Variants in GPM6A observed in about 807,000 individuals in gnomAD.
The protein encoded by GPM6A is glycoprotein M6A.
GPM6A carries 7 observed loss-of-function variants against 32.1 expected under a neutral mutation model. The ratio of observed to expected loss-of-function variants is 0.22; its 90% CI spans 0.12 to 0.41. GPM6A has a LOEUF of 0.41. Among genes scored for constraint, GPM6A ranks in the 10% least tolerant of loss-of-function variants. The pLI is 1.00. For missense variants in GPM6A, 235 were observed against 347.2 expected (o/e 0.68, Z 2.57); for synonymous variants, 130 against 123.4 (o/e 1.05, Z -0.35).
chr4:175,892,017 A>G (rs1737663794), intron 1 of GPM6A, among the ~76,000 whole-genome samples: 1 of 152,198 alleles, frequency 6.6e-6, no homozygotes, highest in Non-Finnish European at 1.5e-5. Flanking sequence ...GTGTGTTGAC[A>G]CAGACTCAAT....
chr4:175,747,967 G>T (rs1732174714), intron 1 of GPM6A, among the ~76,000 whole-genome samples: 1 of 152,026 alleles, frequency 6.6e-6, no homozygotes. Context: ...CAATATCTTT[G>T]CCAAGAATAG....
At chr4:175,767,804 G>A (rs1359574591) in intron 1 of GPM6A, among the ~76,000 whole-genome samples, 2 of 152,268 alleles carry the variant, frequency 1.3e-5, no homozygotes, top group African/African-American at 2.4e-5. Flanking sequence ...GTTATAATGC[G>A]GATGTTGAGT....
intron 1 of GPM6A, among the ~76,000 whole-genome samples, chr4:175,940,948 C>T (rs1739386402): frequency 6.6e-6 from 1 of 152,314 alleles, no homozygotes; most frequent in Non-Finnish European, 1.5e-5. Flanking sequence ...GTTAGAAATA[C>T]TGAAATAGGA....
rs149796948 is a variant in GPM6A at position 175,661,707 on chromosome 4, G to T, written c.388-9720C>A. 5.7e-3 allele frequency among the ~76,000 whole-genome samples: 863 copies of T among 152,248 alleles called. 12 individuals are homozygous for T. Among genetic ancestry groups the T allele is most frequent in the Non-Finnish European group, 5.8e-3 (393 of 68,030 alleles). On this transcript the variant is annotated intron_variant, in intron 3 of 6. Transcript: ENST00000393658. ...TCTCTTCATATCATTGTCCTGGGAT[G>T]AAGTGAGACATGTTTCAGACCATTG...
rs1198476675 is a variant in GPM6A at position 175,876,147 on chromosome 4, A to G, written c.-22-63898T>C. 3.9e-5 allele frequency among the ~76,000 whole-genome samples: 6 copies of G among 152,158 alleles called. No individual in the cohort carries two copies. The South Asian group carries it at 6.2e-4, about 16-fold the overall frequency. Reference sequence around the variant, plus strand: ...CTAGAATCTGCACTGTGATTCCTCTATGTAGTTTGATTCCCATATGGTACT... The same window carrying G: ...CTAGAATCTGCACTGTGATTCCTCTGTGTAGTTTGATTCCCATATGGTACT... On this transcript the variant is annotated intron_variant, in intron 1 of 7. Transcript: ENST00000280187.
At chr4:175,714,326 A>G (rs1288345714) in intron 1 of GPM6A, among the ~76,000 whole-genome samples, 3 of 152,202 alleles carry the variant, frequency 2.0e-5, no homozygotes, top group Admixed American at 2.0e-4. Context: ...TATCAACAAG[A>G]ATTTTTTTAA....
At chr4:175,652,023 A>G (rs1741838313) in intron 3 of GPM6A, 36 bp from the exon 4 acceptor site, 1 of 1,549,876 alleles carries the variant, frequency 6.5e-7, no homozygotes, top group African/African-American at 1.4e-5. Context: ...AGAAAATGTA[A>G]TCTACCAAAA....
intron 1 of GPM6A, among the ~76,000 whole-genome samples, chr4:175,759,440 G>A (rs934709830): frequency 6.6e-6 from 1 of 152,052 alleles, no homozygotes; most frequent in Admixed American, 6.6e-5. Flanking sequence ...TCTCCCTTTT[G>A]TACATAGCTT....
At chr4:175,875,985 A>G (rs930491911) in intron 1 of GPM6A, among the ~76,000 whole-genome samples, 8 of 152,228 alleles carry the variant, frequency 5.3e-5, no homozygotes, top group Non-Finnish European at 1.2e-4. Context: ...AAATAAAATA[A>G]GAAAAGTAAA....
intron 1 of GPM6A, among the ~76,000 whole-genome samples, chr4:175,710,316 G>GTATTTAACC (rs1487325995): frequency 2.0e-5 from 3 of 151,998 alleles, no homozygotes; most frequent in African/African-American, 7.2e-5. Flanking sequence ...TCTAATAAAA[G>GTATTTAACC]TATTTAACCC....
In GPM6A at chr4:175,979,777, G is replaced by A. The variant is rs199843856; in HGVS notation, c.-23+22532C>T. Among the ~76,000 whole-genome samples the A allele has an allele frequency of 3.3e-4, 50 of 152,256 alleles. No homozygotes were observed. The East Asian group carries it at 9.5e-3, about 29-fold the overall frequency. ...TTACTTATTTTCCAACCACAAATTT[G>A]TAATTGATAGCTTTATTCTATTTAC... On this transcript the variant is annotated intron_variant, in intron 1 of 7. Coordinates refer to the GPM6A transcript ENST00000280187.
At chr4:175,917,843 A>G (rs1280454724) in intron 1 of GPM6A, among the ~76,000 whole-genome samples, 1 of 29,836 alleles carries the variant, frequency 3.4e-5, no homozygotes, top group Non-Finnish European at 7.7e-5. Flanking sequence ...AACAATGTTA[A>G]GTAGCCTTAT....
At chr4:175,845,321 G>T (rs1269355376) in intron 1 of GPM6A, among the ~76,000 whole-genome samples, 1 of 152,010 alleles carries the variant, frequency 6.6e-6, no homozygotes, top group Non-Finnish European at 1.5e-5. Flanking sequence ...TGTGACCCAC[G>T]TTATTAACTT....
intron 1 of GPM6A, among the ~76,000 whole-genome samples, chr4:175,987,149 T>G (rs1176127422): frequency 1.3e-5 from 2 of 152,208 alleles, no homozygotes; most frequent in South Asian, 4.1e-4. Context: ...AGTACCATAT[T>G]TTATCTTTCT....
chr4:175,993,171 A>C (rs1325916714), intron 1 of GPM6A, among the ~76,000 whole-genome samples: 60 of 120,694 alleles, frequency 5.0e-4, no homozygotes, highest in Admixed American at 7.1e-4. Context: ...TTTCTTCCTT[A>C]CTTTTCTTCC....
At chr4:175,761,904 C>T (rs1185645279) in intron 1 of GPM6A, among the ~76,000 whole-genome samples, 12 of 151,902 alleles carry the variant, frequency 7.9e-5, no homozygotes, top group Non-Finnish European at 1.6e-4. Context: ...AAGCAATTCT[C>T]CTGCCTCAGC....
chr4:175,656,137 T>A (rs894099625), intron 3 of GPM6A, among the ~76,000 whole-genome samples: 1 of 152,052 alleles, frequency 6.6e-6, no homozygotes, highest in Non-Finnish European at 1.5e-5. Flanking sequence ...ATCACTCACA[T>A]ATAGTAAAAT....
intron 1 of GPM6A, among the ~76,000 whole-genome samples, chr4:175,804,946 G>A (rs1734627945): frequency 6.6e-6 from 1 of 152,088 alleles, no homozygotes; most frequent in African/African-American, 2.4e-5. Flanking sequence ...TCGGGAGGCT[G>A]AGGCAGGAGA....
At chr4:175,801,939 C>T (rs1468098936) in intron 1 of GPM6A, among the ~76,000 whole-genome samples, 1 of 151,820 alleles carries the variant, frequency 6.6e-6, no homozygotes, top group African/African-American at 2.4e-5. Flanking sequence ...ATGAAAGAAC[C>T]ACATGTATCA....
Sources: gnomAD v4.1 joint callset for allele counts (sites outside exome capture counted in the v4.1 genomes callset) on GRCh38, gnomAD v4.1.1 for gene constraint, MANE v1.5 for transcripts, NCBI Gene and HGNC (gene_info 2026-07-23, HGNC 2026-07-21) for gene names.